The following DPYD variants were observed in gnomAD, a reference collection of about 807,000 sequenced individuals.
DPYD encodes dihydropyrimidine dehydrogenase [NADP(+)].
In DPYD, 109 loss-of-function variants were observed where a neutral mutation model predicts 116.2. That is an observed-to-expected ratio of 0.94 (90% CI 0.80 to 1.10). The LOEUF is 1.10. Among genes scored for constraint, DPYD ranks in the 50% least tolerant of loss-of-function variants. DPYD has a pLI of 0.00. For synonymous variants in DPYD, 440 were observed against 432.0 expected (o/e 1.02, Z -0.23); for missense variants, 1,302 against 1,254.5 (o/e 1.04, Z -0.57).
chr1:97,828,611 T>C (rs1669369829), intron 2 of DPYD, among the ~76,000 whole-genome samples: 1 of 151,982 alleles, frequency 6.6e-6, no homozygotes, highest in Non-Finnish European at 1.5e-5. Context: ...CAGTATACAA[T>C]AAATACCAAG....
intron 2 of DPYD, among the ~76,000 whole-genome samples, chr1:97,849,073 G>C (rs925007331): frequency 6.6e-6 from 1 of 152,118 alleles, no homozygotes; most frequent in Non-Finnish European, 1.5e-5. Context: ...AAAATTTAAT[G>C]ATTAGCTCTA....
chr1:97,804,244 C>T (rs1259176473), intron 3 of DPYD, among the ~76,000 whole-genome samples: 29 of 151,632 alleles, frequency 1.9e-4, no homozygotes, highest in Admixed American at 1.9e-3. Context: ...AATGCCTGTT[C>T]TTTATGTATT....
At chr1:97,419,096 C>T (rs1002211122) in intron 14 of DPYD, among the ~76,000 whole-genome samples, 3 of 152,050 alleles carry the variant, frequency 2.0e-5, no homozygotes, top group Non-Finnish European at 2.9e-5. Context: ...CCTAGACAAC[C>T]CAATGGATAT....
chr1:97,872,647 G>A (rs1413495045), intron 2 of DPYD, among the ~76,000 whole-genome samples: 2 of 151,658 alleles, frequency 1.3e-5, no homozygotes, highest in East Asian at 1.9e-4. Context: ...TTTTAAAGAG[G>A]GATACTAATA....
intron 3 of DPYD, among the ~76,000 whole-genome samples, chr1:97,825,218 C>T (rs1001473057): frequency 2.6e-5 from 4 of 152,052 alleles, no homozygotes; most frequent in Non-Finnish European, 5.9e-5. Flanking sequence ...GATTTGTAAA[C>T]TCGGATACTG....
At chr1:97,263,625 G>A (rs892470631) in intron 18 of DPYD, among the ~76,000 whole-genome samples, 3 of 152,070 alleles carry the variant, frequency 2.0e-5, no homozygotes, top group Non-Finnish European at 1.5e-5. Context: ...GTGGGAATCA[G>A]TAGTACACTG....
chr1:97,410,114 G>C (rs11165865), intron 14 of DPYD, among the ~76,000 whole-genome samples: 2 of 150,800 alleles, frequency 1.3e-5, no homozygotes, highest in Non-Finnish European at 3.0e-5. Flanking sequence ...AACTACAAAC[G>C]ACCTCCTCCC....
chr1:97,616,130 C>T (rs1255656280), intron 8 of DPYD, among the ~76,000 whole-genome samples: 2 of 149,156 alleles, frequency 1.3e-5, no homozygotes, highest in African/African-American at 5.0e-5. Context: ...TTACACTGCA[C>T]TCTAATAAAT....
chr1:97,610,955 A>G (rs1184737234), intron 8 of DPYD, among the ~76,000 whole-genome samples: 1 of 151,478 alleles, frequency 6.6e-6, no homozygotes, highest in African/African-American at 2.4e-5. Context: ...TTGTAACTAT[A>G]TATCGGTGTG....
chr1:97,877,627 A>T (rs1671991484), intron 2 of DPYD, among the ~76,000 whole-genome samples: 1 of 151,998 alleles, frequency 6.6e-6, no homozygotes, highest in South Asian at 2.1e-4. Flanking sequence ...TTGGAAGAAA[A>T]TAATTGTCAA....
At chr1:97,180,840 G>C (rs1657598080) in intron 20 of DPYD, among the ~76,000 whole-genome samples, 1 of 152,098 alleles carries the variant, frequency 6.6e-6, no homozygotes, top group African/African-American at 2.4e-5. Context: ...AGGAGAAATG[G>C]GGAATCATAA....
chr1:97,689,526 T>C (rs751173433), intron 7 of DPYD, among the ~76,000 whole-genome samples: 1 of 152,066 alleles, frequency 6.6e-6, no homozygotes, highest in Non-Finnish European at 1.5e-5. Flanking sequence ...TGCTAGGTCA[T>C]GAAAGTCAAA....
intron 20 of DPYD, among the ~76,000 whole-genome samples, chr1:97,146,216 T>C (rs1351694829): frequency 6.6e-6 from 1 of 152,220 alleles, no homozygotes; most frequent in Non-Finnish European, 1.5e-5. Flanking sequence ...ATTAATAGTT[T>C]GTATAAGAAA....
intron 13 of DPYD, among the ~76,000 whole-genome samples, chr1:97,498,470 T>C (rs1448022071): frequency 1.4e-5 from 2 of 144,600 alleles, no homozygotes; most frequent in African/African-American, 5.1e-5. Flanking sequence ...ACACAGTACT[T>C]TGCCTCTCTC....
chr1:97,425,966 AC>A (rs1674844431), intron 14 of DPYD, among the ~76,000 whole-genome samples: 2 of 151,914 alleles, frequency 1.3e-5, no homozygotes, highest in South Asian at 4.2e-4. Context: ...AAAAAAAACA[AC>A]ATTTGTCAGT....
intron 5 of DPYD, among the ~76,000 whole-genome samples, chr1:97,707,567 G>A (rs1662048776): frequency 6.6e-6 from 1 of 151,480 alleles, no homozygotes; most frequent in African/African-American, 2.4e-5. Context: ...TCTTGCGATA[G>A]TTTACTGAGA....
intron 8 of DPYD, among the ~76,000 whole-genome samples, chr1:97,638,204 A>G (rs1359322147): frequency 1.3e-5 from 2 of 152,152 alleles, no homozygotes; most frequent in African/African-American, 4.8e-5. Flanking sequence ...ATGTACATAC[A>G]GTGAGGGTAA....
At chr1:97,594,195 A>G (rs1654718736) in intron 9 of DPYD, among the ~76,000 whole-genome samples, 1 of 152,202 alleles carries the variant, frequency 6.6e-6, no homozygotes, top group Non-Finnish European at 1.5e-5. Context: ...GAATAAACCT[A>G]TAATTTCAAT....
intron 7 of DPYD, among the ~76,000 whole-genome samples, chr1:97,688,619 G>A (rs1660860276): frequency 6.6e-6 from 1 of 151,784 alleles, no homozygotes; most frequent in South Asian, 2.1e-4. Context: ...AATTTTATAA[G>A]GCTAATATAA....
Sources: allele counts gnomAD v4.1 joint callset (sites outside exome capture counted in the v4.1 genomes callset), GRCh38; gene constraint gnomAD v4.1.1; transcripts MANE v1.5; gene names NCBI Gene and HGNC (gene_info 2026-07-23, HGNC 2026-07-21).